The following SPINK9 variants were observed in gnomAD, a reference collection of about 807,000 sequenced individuals.
SPINK9 encodes the protein serine peptidase inhibitor Kazal type 9.
Under a neutral mutation model 10.8 loss-of-function variants are expected in SPINK9, and 3 were observed. The observed-to-expected ratio is 0.28, with a 90% CI of 0.13 to 0.72. The LOEUF is 0.72. Among genes scored for constraint, SPINK9 ranks in the 30% least tolerant of loss-of-function variants. The probability of loss-of-function intolerance (pLI) is 0.74; values close to 1 mark genes in which losing one functional copy is unlikely to be tolerated. For synonymous variants in SPINK9, 30 were observed against 31.2 expected, an observed-to-expected ratio of 0.96 and a Z score of 0.12; for missense variants, 101 against 103.2, an observed-to-expected ratio of 0.98 and a Z score of 0.09.
At chr5:148,330,223 T>C (rs1281120970) in intron 2 of SPINK9, among the ~76,000 whole-genome samples, 2 of 152,296 alleles carry the variant, frequency 1.3e-5, no homozygotes, top group South Asian at 2.1e-4. Context: ...GGATAGTTAG[T>C]TCTTCTTGTT....
chr5:148,325,873 ACT>A (rs1314927449), intron 2 of SPINK9, among the ~76,000 whole-genome samples: 2 of 151,708 alleles, frequency 1.3e-5, no homozygotes, highest in Admixed American at 1.3e-4. Flanking sequence ...TTTACATGTA[ACT>A]CTCTGATCCA....
intron 2 of SPINK9, among the ~76,000 whole-genome samples, chr5:148,336,834 A>G (rs1220351684): frequency 2.6e-5 from 4 of 152,210 alleles, no homozygotes; most frequent in Non-Finnish European, 2.9e-5. Flanking sequence ...TGGGTCACAC[A>G]TATCTTTGTT....
At chr5:148,328,592 G>A (rs1363506114) in intron 2 of SPINK9, among the ~76,000 whole-genome samples, 1 of 152,154 alleles carries the variant, frequency 6.6e-6, no homozygotes, top group Non-Finnish European at 1.5e-5. Flanking sequence ...GTTTTCAAAG[G>A]GAATGCTTCC....
chr5:148,339,822 T>A lies in SPINK9; in HGVS notation c.*110T>A. ...GCCTACTCATCACCATATGTAGATTTCTTTGTAGAATAAAGCAGATATAAG... is the reference window on the plus strand; with the variant it reads ...GCCTACTCATCACCATATGTAGATTACTTTGTAGAATAAAGCAGATATAAG... On this transcript the variant is annotated 3_prime_UTR_variant, in exon 4 of 4. Transcript: ENST00000377906. 1 of 871,036 alleles carries A rather than the reference T, an allele frequency of 1.1e-6. No homozygotes were observed. The highest frequency in any genetic ancestry group is 2.7e-5 in the East Asian group (1 of 37,422). The allele number at this position is 871,036 out of a possible 1,614,324, so 54.0% of individuals were successfully genotyped here.
rs1241299289 is a variant in SPINK9 at position 148,325,341 on chromosome 5, C to G, written c.118+1473C>G. Among the ~76,000 whole-genome samples the G allele has an allele frequency of 2.0e-5, 3 of 152,074 alleles. No individual in the cohort carries two copies. The East Asian group carries it at 5.8e-4, about 29-fold the overall frequency. The stretch of plus-strand genomic sequence containing the variant: ...TTTAACTTTTTGAGGAGCTACCAAA[C>G]TATTTTTCAAAGCAGCTTCACCATT... On this transcript the variant is annotated intron_variant, in intron 2 of 4. Transcript: ENST00000511717.
intron 1 of SPINK9, among the ~76,000 whole-genome samples, chr5:148,322,305 A>G (rs921626892): frequency 1.3e-5 from 2 of 152,204 alleles, no homozygotes; most frequent in Admixed American, 1.3e-4. Context: ...TGGTACACAT[A>G]GAAAAACTTA....
intron 1 of SPINK9, among the ~76,000 whole-genome samples, chr5:148,322,053 C>G (rs1414935586): frequency 1.3e-5 from 2 of 152,090 alleles, no homozygotes; most frequent in African/African-American, 4.8e-5. Context: ...TTCCTGTTAT[C>G]CACTGAGATT....
In SPINK9 at chr5:148,338,501, G is replaced by A. The variant is rs891222516; in HGVS notation, c.111G>A (p.Lys37=). Residue 37 remains lysine, a synonymous_variant, in exon 3 of 4, where the codon AAG becomes AAA. Transcript: ENST00000377906. ...KQMVDCSHYK[K]LPPGQQRFCH... ...AGGTTGACTGCAGTCATTATAAAAA[G>A]TTACCACCAGGACAACAGAGATTTT... The A allele has an allele frequency of 1.9e-6, 3 of 1,604,538 alleles. No homozygotes were observed. In the African/African-American group the frequency reaches 4.0e-5, roughly 22 times the overall value.
At chr5:148,337,965 ATG>A (rs1376900042) in intron 2 of SPINK9, among the ~76,000 whole-genome samples, 2 of 152,156 alleles carry the variant, frequency 1.3e-5, no homozygotes, top group Non-Finnish European at 2.9e-5. Context: ...ATATTCATCT[ATG>A]TGCTGGTGAA....
At chr5:148,324,819 T>C (rs113099314) in intron 2 of SPINK9, among the ~76,000 whole-genome samples, 139 of 152,108 alleles carry the variant, frequency 9.1e-4, no homozygotes, top group African/African-American at 2.8e-3. Context: ...TTTTAAAATA[T>C]AAATTTCAGT....
At chr5:148,338,297 T>C (rs985754928) in intron 2 of SPINK9, among the ~76,000 whole-genome samples, 181 bp from the exon 3 acceptor site, 1 of 152,192 alleles carries the variant, frequency 6.6e-6, no homozygotes, top group Non-Finnish European at 1.5e-5. Flanking sequence ...TTATCAGTCA[T>C]GATTTTATAT....
chr5:148,322,663 T>G (rs987558892), intron 1 of SPINK9, among the ~76,000 whole-genome samples: 4 of 152,180 alleles, frequency 2.6e-5, no homozygotes, highest in African/African-American at 9.6e-5. Context: ...ATAAAGAACT[T>G]TATAGTTTAC....
At chr5:148,327,164 C>A (rs1047999750) in intron 2 of SPINK9, among the ~76,000 whole-genome samples, 21 of 152,198 alleles carry the variant, frequency 1.4e-4, no homozygotes, top group Non-Finnish European at 2.5e-4. Flanking sequence ...CACATCCTCT[C>A]CAGCACCTGT....
intron 2 of SPINK9, 24 bp from the exon 3 acceptor site, chr5:148,338,454 A>G: frequency 6.3e-7 from 1 of 1,580,804 alleles, no homozygotes; most frequent in East Asian, 2.3e-5. Flanking sequence ...GAAAGAGTTG[A>G]AGGTTTTTAA....
chr5:148,323,696 A>G, exon 2 of SPINK9: 1 of 632,574 alleles, frequency 1.6e-6, no homozygotes, highest in Non-Finnish European at 2.9e-6. Flanking sequence ...ATTGGAGAAG[A>G]AGTGATTTCA....
chr5:148,323,660 A>T, intron 1 of SPINK9: 1 of 530,362 alleles, frequency 1.9e-6, no homozygotes, highest in South Asian at 2.7e-5. Flanking sequence ...ATTTGTTTTT[A>T]AAATTTTACC....
intron 3 of SPINK9, among the ~76,000 whole-genome samples, chr5:148,338,827 G>C (rs1757251829): frequency 6.6e-6 from 1 of 152,026 alleles, no homozygotes; most frequent in African/African-American, 2.4e-5. Context: ...TCTCCAAGTT[G>C]AAAGGAAATA....
chr5:148,336,505 G>C, intron 2 of SPINK9, 52 bp downstream of exon 2: 1 of 1,532,360 alleles, frequency 6.5e-7, no homozygotes, highest in Non-Finnish European at 9.0e-7. Flanking sequence ...TATCAGTAAG[G>C]AAATATTTGA....
chr5:148,330,883 G>A (rs571480298), upstream of SPINK9, among the ~76,000 whole-genome samples: 5 of 152,262 alleles, frequency 3.3e-5, no homozygotes, highest in African/African-American at 4.8e-5. Context: ...AGGACCCTCC[G>A]AGCCATGTGC....
Sources: allele counts gnomAD v4.1 joint callset (sites outside exome capture counted in the v4.1 genomes callset), GRCh38; gene constraint gnomAD v4.1.1; transcripts MANE v1.5; gene names NCBI Gene and HGNC (gene_info 2026-07-23, HGNC 2026-07-21).